The following LAMA2 variants were observed in gnomAD, a reference collection of about 807,000 sequenced individuals.
The protein encoded by LAMA2 is laminin subunit alpha-2.
A neutral mutation model predicts 364.8 loss-of-function variants in LAMA2; 269 were observed. The ratio of observed to expected loss-of-function variants is 0.74; its 90% CI spans 0.67 to 0.82. The LOEUF (loss-of-function observed/expected upper bound fraction) is 0.82. LAMA2 is among the 40% of genes least tolerant of loss of function. The pLI, the probability that LAMA2 is intolerant of heterozygous loss-of-function variation, is 0.00. For missense variants in LAMA2, 3,807 were observed against 3,873.2 expected (o/e 0.98, Z 0.45); for synonymous variants, 1,379 against 1,370.6 (o/e 1.01, Z -0.14).
chr6:128,945,867 T>C (rs921951748), intron 1 of LAMA2, among the ~76,000 whole-genome samples: 1 of 152,236 alleles, frequency 6.6e-6, no homozygotes, highest in African/African-American at 2.4e-5. Flanking sequence ...ATAATTCGGA[T>C]ATAACTCAGG....
At chr6:129,193,085 T>C (rs17056935) in intron 12 of LAMA2, among the ~76,000 whole-genome samples, 3,221 of 152,320 alleles carry the variant, frequency 0.021, 95 homozygotes, top group East Asian at 0.14. Flanking sequence ...TGTAAACTTT[T>C]TGAATGGGCA....
At chr6:128,935,898 TTG>T (rs1297542892) in intron 1 of LAMA2, among the ~76,000 whole-genome samples, 1 of 152,178 alleles carries the variant, frequency 6.6e-6, no homozygotes, top group Non-Finnish European at 1.5e-5. Flanking sequence ...TCATCTTCAG[TTG>T]TAACCCTCAT....
chr6:129,375,806 A>G (rs1393968672), intron 34 of LAMA2, among the ~76,000 whole-genome samples: 1 of 152,186 alleles, frequency 6.6e-6, no homozygotes, highest in Non-Finnish European at 1.5e-5. Context: ...GTGCCTTACT[A>G]TGGATTGGAC....
chr6:129,268,969 T>G (rs1787726060), intron 16 of LAMA2, among the ~76,000 whole-genome samples: 1 of 152,112 alleles, frequency 6.6e-6, no homozygotes, highest in Non-Finnish European at 1.5e-5. Context: ...ATCAAGGGCA[T>G]TCTTACTGTT....
chr6:128,930,132 A>G (rs1779373198), intron 1 of LAMA2: 1 of 274,396 alleles, frequency 3.6e-6, no homozygotes, highest in Admixed American at 5.3e-5. Context: ...CGGCAGCTAC[A>G]GCCACTCTGA....
intron 12 of LAMA2, among the ~76,000 whole-genome samples, chr6:129,221,206 G>A (rs972498867): frequency 4.7e-5 from 7 of 148,804 alleles, no homozygotes; most frequent in Admixed American, 1.3e-4. Context: ...ACCTAGAAAC[G>A]GACCTACAAA....
intron 9 of LAMA2, 93 bp from the exon 10 acceptor site, chr6:129,177,613 A>G: frequency 7.7e-7 from 1 of 1,291,218 alleles, no homozygotes; most frequent in Non-Finnish European, 1.1e-6. Flanking sequence ...TTTGTGTCAA[A>G]ATAGCATTTT....
chr6:129,242,556 T>C (rs2115160033), intron 12 of LAMA2, among the ~76,000 whole-genome samples: 1 of 152,248 alleles, frequency 6.6e-6, no homozygotes, highest in East Asian at 1.9e-4. Context: ...TGTATTAATA[T>C]AAAACTATAA....
chr6:128,902,571 A>G (rs764193030), intron 1 of LAMA2, among the ~76,000 whole-genome samples: 61 of 152,246 alleles, frequency 4.0e-4, no homozygotes, highest in Non-Finnish European at 7.9e-4. Flanking sequence ...GGACAAAGGT[A>G]GACTCAGCAA....
At chr6:129,223,194 T>G (rs1054316074) in intron 12 of LAMA2, among the ~76,000 whole-genome samples, 1 of 152,186 alleles carries the variant, frequency 6.6e-6, no homozygotes, top group Non-Finnish European at 1.5e-5. Context: ...GGGTTATTTG[T>G]TTTTTTCTTG....
At chr6:129,388,796 A>G (rs1779165936) in intron 35 of LAMA2, among the ~76,000 whole-genome samples, 1 of 152,202 alleles carries the variant, frequency 6.6e-6, no homozygotes, top group Admixed American at 6.5e-5. Context: ...GTGAGTACAA[A>G]TTATATCAGT....
At chr6:129,260,098 A>G (rs1232217206) in intron 14 of LAMA2, among the ~76,000 whole-genome samples, 1 of 152,168 alleles carries the variant, frequency 6.6e-6, no homozygotes, top group Admixed American at 6.6e-5. Flanking sequence ...AGATTGTACA[A>G]AAGTACCAAT....
intron 1 of LAMA2, 41 bp from the exon 2 acceptor site, chr6:129,049,877 T>C (rs772961570): frequency 9.5e-6 from 15 of 1,574,378 alleles, no homozygotes; most frequent in Non-Finnish European, 1.3e-5. Flanking sequence ...ATCCTAACTT[T>C]GTTTCTGGTC....
chr6:129,510,388 G>A (rs1179011202), intron 62 of LAMA2, among the ~76,000 whole-genome samples: 1 of 151,918 alleles, frequency 6.6e-6, no homozygotes, highest in Non-Finnish European at 1.5e-5. Flanking sequence ...AAATACTAAG[G>A]AATTAACCAA....
At chr6:129,332,215 G>C (rs532503865) in intron 29 of LAMA2, among the ~76,000 whole-genome samples, 1 of 152,204 alleles carries the variant, frequency 6.6e-6, no homozygotes, top group Admixed American at 6.5e-5. Context: ...TAATTTTTCT[G>C]CAGATATGTA....
rs1194078171 is a variant in LAMA2, at chr6:129,512,442, G to C, written c.8937G>C (p.Gly2979=). The stretch of plus-strand genomic sequence containing the variant: ...CTACAACGACTGGAGTTCTTCTGGG[G>C]ATCAGTAGTCAAAAAATGGATGGAA... ...RTTTTTGVLL[G]ISSQKMDGMG... is the part of the protein sequence containing the mutation. Residue 2979 remains glycine (G), a synonymous_variant, in exon 63 of 65, where the codon GGG becomes GGC. Coordinates refer to ENST00000421865, the MANE Select transcript of LAMA2 (RefSeq NM_000426.4). The C allele has an allele frequency of 8.7e-6, 14 of 1,613,598 alleles. No individual in the cohort carries two copies. Among genetic ancestry groups the C allele is most frequent in the Admixed American group, 1.7e-5 (1 of 59,978 alleles).
chr6:129,223,663 T>C (rs1784037277), intron 12 of LAMA2, among the ~76,000 whole-genome samples: 2 of 152,150 alleles, frequency 1.3e-5, no homozygotes, highest in Non-Finnish European at 2.9e-5. Flanking sequence ...AGATGTGTGG[T>C]ATTATTTCTG....
In LAMA2 at chr6:129,402,363, G is replaced by T. The variant is rs1276300668; in HGVS notation, c.5602G>T (p.Glu1868Ter). ...CCAAACTAAATTGCCACCTATGTCTGAGGAGCTTAATGATAAAATAGATGA... is the reference window on the plus strand; with the variant it reads ...CCAAACTAAATTGCCACCTATGTCTTAGGAGCTTAATGATAAAATAGATGA... ...DIQTKLPPMS[E>*]ELNDKIDDLS... The change falls in exon 39 of 65, where the codon GAG becomes TAG. Residue 1868 changes from glutamate to a stop codon, truncating the protein, a stop_gained. Coordinates refer to ENST00000421865, the MANE Select transcript of LAMA2 (RefSeq NM_000426.4). LOFTEE classifies it high-confidence loss of function. 6.2e-7 allele frequency: 1 copy of T among 1,613,892 alleles called. No homozygotes were observed.
intron 7 of LAMA2, among the ~76,000 whole-genome samples, chr6:129,150,745 T>A (rs1387044258): frequency 3.3e-5 from 5 of 152,108 alleles, no homozygotes; most frequent in African/African-American, 1.2e-4. Context: ...AAGATGGGGA[T>A]CTTAGCCATA....
Sources: gnomAD v4.1 joint callset for allele counts (sites outside exome capture counted in the v4.1 genomes callset) on GRCh38, gnomAD v4.1.1 for gene constraint, MANE v1.5 for transcripts, NCBI Gene and HGNC (gene_info 2026-07-23, HGNC 2026-07-21) for gene names.